SLC4A2: variants seen among roughly 807,000 people sequenced by gnomAD.
SLC4A2 encodes solute carrier family 4 member 2, also known as anion exchange protein 2.
In SLC4A2, 36 loss-of-function variants were observed where a neutral mutation model predicts 115.0. That is an observed-to-expected ratio of 0.31 (90% CI 0.24 to 0.41). SLC4A2 has a LOEUF of 0.41. Among genes scored for constraint, SLC4A2 ranks in the 10% least tolerant of loss-of-function variants. The pLI is 1.00. For missense variants in SLC4A2, 1,252 were observed against 1,705.6 expected (o/e 0.73, Z 4.68); for synonymous variants, 708 against 708.3 (o/e 1.00, Z 0.01).
rs756811504 is a variant in SLC4A2, at chr7:151,076,122, T to C, written c.3581T>C (p.Ile1194Thr). 1.2e-6 allele frequency: 2 copies of C among 1,610,690 alleles called. No homozygotes were observed. The highest frequency in any genetic ancestry group is 8.5e-7 in the Non-Finnish European group (1 of 1,179,954). ...TCCCTGGCCTTCCCCTTCATCCTCA[T>C]CCTCACAGTGCCGCTCCGCATGGTG... ...AASLAFPFILILTVPLRMVVL... is the reference protein window; with the variant it reads ...AASLAFPFILTLTVPLRMVVL... The change falls in exon 22 of 23, where the codon ATC becomes ACC. Residue 1194 changes from isoleucine to threonine, a missense_variant. By Grantham distance (89) the Ile-to-Thr change is moderately conservative. Coordinates refer to ENST00000413384, the MANE Select transcript of SLC4A2 (RefSeq NM_003040.4).
intron 17 of SLC4A2, 42 bp downstream of exon 17, chr7:151,074,335 G>A (rs774606470): frequency 1.2e-6 from 2 of 1,610,136 alleles, no homozygotes; most frequent in Non-Finnish European, 1.7e-6. Context: ...GGGGCAGGAA[G>A]GGGGGTGGCA....
intron 2 of SLC4A2, chr7:151,062,852 G>A: frequency 2.2e-6 from 3 of 1,380,382 alleles, no homozygotes; most frequent in Non-Finnish European, 2.8e-6. Context: ...TCTCTTATCC[G>A]GTGTTCTGCC....
chr7:151,075,643 C>T lies in SLC4A2; in HGVS notation c.3339C>T (p.Ile1113=). 6.2e-7 allele frequency: 1 copy of T among 1,602,782 alleles called. No homozygotes were observed. The part of the protein sequence containing the change: ...SIVIGDLLRQ[I]PLAVLFGIFL... ...TTATCGGGGATCTGCTCCGGCAGAT[C>T]CCCCTGGCCGTGCTCTTTGGAATTT... is the stretch of plus-strand genomic sequence containing the variant. Residue 1113 remains isoleucine (I), a synonymous_variant, in exon 21 of 23, where the codon ATC becomes ATT. Coordinates refer to ENST00000413384, the MANE Select transcript of SLC4A2 (RefSeq NM_003040.4).
chr7:151,072,891 T>C (rs1797488805), intron 16 of SLC4A2, among the ~76,000 whole-genome samples: 4 of 152,094 alleles, frequency 2.6e-5, no homozygotes, highest in Non-Finnish European at 5.9e-5. Flanking sequence ...CTTGAACTCC[T>C]GGCCTCAAGT....
At chr7:151,063,968 AT>A (rs1452992775) in intron 2 of SLC4A2, among the ~76,000 whole-genome samples, 1 of 151,916 alleles carries the variant, frequency 6.6e-6, no homozygotes. Flanking sequence ...ACCTCCAGCA[AT>A]CCACCCACCT....
chr7:151,062,896 A>G, intron 2 of SLC4A2: 1 of 1,389,260 alleles, frequency 7.2e-7, no homozygotes, highest in East Asian at 2.9e-5. Flanking sequence ...CCTCGCCCCT[A>G]AGACCCGCCC....
chr7:151,071,326 C>T lies in SLC4A2; in HGVS notation c.1975+29C>T, dbSNP rs1285634194. 6.5e-7 allele frequency: 1 copy of T among 1,543,096 alleles called. No homozygotes were observed. Among genetic ancestry groups the T allele is most frequent in the Non-Finnish European group, 8.7e-7 (1 of 1,146,968 alleles). On this transcript the variant is annotated intron_variant, in intron 13 of 22. Coordinates refer to ENST00000413384, the MANE Select transcript of SLC4A2 (RefSeq NM_003040.4). The surrounding 1 kb of genome is among the most constrained non-coding windows in gnomAD (Gnocchi z 5.5). The stretch of plus-strand genomic sequence containing the variant: ...CGGCCAGGGCGGGCTGGGGCCAGGG[C>T]TGCCTCGAGGGGGTGAGGTGGGCAA...
rs757047171 is a variant in SLC4A2, at chr7:151,064,375, G to A, written c.217+8G>A. ...GGGAGGAAGACTTTGAGTGTGAGGGGGCAGGCAGGGGAGGGGGAGGTGGGG... is the reference window on the plus strand; with the variant it reads ...GGGAGGAAGACTTTGAGTGTGAGGGAGCAGGCAGGGGAGGGGGAGGTGGGG... On this transcript the variant is annotated splice_region_variant and intron_variant, in intron 3 of 22. Transcript: ENST00000413384. 1.9e-6 allele frequency: 3 copies of A among 1,575,298 alleles called. No homozygotes were observed. Among genetic ancestry groups the A allele is most frequent in the Non-Finnish European group, 2.6e-6 (3 of 1,155,740 alleles).
intron 7 of SLC4A2, among the ~76,000 whole-genome samples, 186 bp from the exon 8 acceptor site, chr7:151,067,688 C>T (rs1164998705): frequency 2.6e-5 from 4 of 152,200 alleles, no homozygotes; most frequent in East Asian, 3.9e-4. Flanking sequence ...AGGGAAACTG[C>T]GTCTCATTGG....
rs1445407733 is a variant in SLC4A2 at position 151,071,404 on chromosome 7, G to T, written c.1990G>T (p.Val664Leu). The change falls in exon 14 of 23, where the codon GTA becomes TTA. Residue 664 changes from valine to leucine, a missense_variant. By Grantham distance (32) the Val-to-Leu change is conservative. Transcript: ENST00000413384. The surrounding 1 kb of genome is among the most constrained non-coding windows in gnomAD (Gnocchi z 5.5). ...SAQDKALLQM[V>L]EAAGAAEDDP... ...CTGGGTTGCAGCGCTCCTGCAGATG[G>T]TAGAGGCGGCAGGGGCAGCTGAAGA... The T allele has an allele frequency of 2.5e-6, 4 of 1,598,194 alleles. No homozygotes were observed. The Admixed American group carries it at 6.7e-5, about 27-fold the overall frequency.
In SLC4A2 at chr7:151,070,543, G is replaced by A; in HGVS notation, c.1536G>A (p.Glu512=). The A allele has an allele frequency of 3.1e-6, 5 of 1,613,722 alleles. No homozygotes were observed. The highest frequency in any genetic ancestry group is 4.2e-6 in the Non-Finnish European group (5 of 1,179,870). ...TGAAACTGCTGGAGAAGATTCCTGA[G>A]AATGCCGAGGCCACGGTGGTCCTTG... is the stretch of plus-strand genomic sequence containing the variant. ...HELKLLEKIP[E]NAEATVVLVG... Residue 512 remains glutamate (E), a synonymous_variant, in exon 11 of 23, where the codon GAG becomes GAA. Transcript: ENST00000413384.
At position 151,059,712 on chromosome 7, in the gene SLC4A2, G is replaced by A. The variant is rs1250203952; in HGVS notation, c.-114G>A. On this transcript the variant is annotated 5_prime_UTR_variant, in exon 1 of 23. Coordinates refer to ENST00000413384, the MANE Select transcript of SLC4A2 (RefSeq NM_003040.4). The surrounding 1 kb of genome is among the most constrained non-coding windows in gnomAD (Gnocchi z 5.8). ...GTCGGGAGCGCGCGAGTGCGCCGGAGGACGGGGAGAGACCCCGAGACCCCC... is the reference window on the plus strand; with the variant it reads ...GTCGGGAGCGCGCGAGTGCGCCGGAAGACGGGGAGAGACCCCGAGACCCCC... 1 of 151,604 alleles carries A rather than the reference G, an allele frequency of 6.6e-6. No homozygotes were observed. Among genetic ancestry groups the A allele is most frequent in the Non-Finnish European group, 1.5e-5 (1 of 67,708 alleles). The allele number at this position is 151,604 out of a possible 1,614,324, so 9.4% of individuals were successfully genotyped here.
At chr7:151,062,137 G>T in intron 2 of SLC4A2, 99 bp downstream of exon 2, 2 of 204,072 alleles carry the variant, frequency 9.8e-6, no homozygotes, top group Admixed American at 9.9e-5. Flanking sequence ...GTGAGCGTGT[G>T]TGAGTGTGGA....
In SLC4A2 at chr7:151,076,491, C is replaced by T; in HGVS notation, c.*124C>T. 2.4e-6 allele frequency: 2 copies of T among 840,126 alleles called. No individual in the cohort carries two copies. The highest frequency in any genetic ancestry group is 2.1e-5 in the South Asian group (1 of 47,994). The allele number at this position is 840,126 out of a possible 1,614,324, so 52.0% of individuals were successfully genotyped here. A position where few individuals can be genotyped will look rare whatever the true frequency, so the allele number is the denominator to read the frequency against. ...AATAATTTAAAGTCTTCTCCTCCCC[C>T]ACTGCCCCTGCAGTAAAGTGCTTTG... is the stretch of plus-strand genomic sequence containing the variant. On this transcript the variant is annotated 3_prime_UTR_variant, in exon 23 of 23. Transcript: ENST00000413384.
Position 151,071,406 on chromosome 7 carries a change from A to G in SLC4A2, c.1992A>G (p.Val664=), listed in dbSNP as rs1177621270. Residue 664 remains valine, a synonymous_variant, in exon 14 of 23, where the codon GTA becomes GTG. Coordinates refer to ENST00000413384, the MANE Select transcript of SLC4A2 (RefSeq NM_003040.4). The surrounding 1 kb of genome is among the most constrained non-coding windows in gnomAD (Gnocchi z 5.5). ...SAQDKALLQM[V]EAAGAAEDDP... is the part of the protein sequence containing the mutation. ...GGGTTGCAGCGCTCCTGCAGATGGTAGAGGCGGCAGGGGCAGCTGAAGATG... is the reference window on the plus strand; with the variant it reads ...GGGTTGCAGCGCTCCTGCAGATGGTGGAGGCGGCAGGGGCAGCTGAAGATG... The G allele has an allele frequency of 6.3e-7, 1 of 1,598,644 alleles. No individual in the cohort carries two copies. The highest frequency in any genetic ancestry group is 8.5e-7 in the Non-Finnish European group (1 of 1,177,278).
chr7:151,062,856 T>A, intron 2 of SLC4A2: 1 of 1,380,812 alleles, frequency 7.2e-7, no homozygotes, highest in Non-Finnish European at 9.3e-7. Flanking sequence ...TTATCCGGTG[T>A]TCTGCCAGTC....
intron 1 of SLC4A2, 61 bp from the exon 2 acceptor site, chr7:151,061,864 C>G (rs914535087): frequency 3.6e-6 from 3 of 828,422 alleles, no homozygotes; most frequent in Non-Finnish European, 3.9e-6. Context: ...GCGCAGCCTG[C>G]GCGTGGTGGC....
In SLC4A2 at chr7:151,075,238, A is replaced by C. The variant is rs985788687; in HGVS notation, c.3048-17A>C. ...TGAGTCCAGCCTGGGCCTCAGCAGC[A>C]CCCCTCCCGCTCTCAGGCTCATCAT... is the stretch of plus-strand genomic sequence containing the variant. On this transcript the variant is annotated splice_polypyrimidine_tract_variant and intron_variant, in intron 19 of 22. Transcript: ENST00000413384. The C allele has an allele frequency of 1.2e-6, 2 of 1,611,334 alleles. No homozygotes were observed. The highest frequency in any genetic ancestry group is 1.7e-6 in the Non-Finnish European group (2 of 1,179,852).
rs915772234 is a variant in SLC4A2 at position 151,066,481 on chromosome 7, A to C, written c.579-36A>C. 4 of 1,463,682 alleles carry C rather than the reference A, an allele frequency of 2.7e-6. No individual in the cohort carries two copies. In the African/African-American group the frequency reaches 4.3e-5, roughly 16 times the overall value. The allele number at this position is 1,463,682 out of a possible 1,614,324, so 90.7% of individuals were successfully genotyped here. On this transcript the variant is annotated intron_variant, in intron 5 of 22. Coordinates refer to ENST00000413384, the MANE Select transcript of SLC4A2 (RefSeq NM_003040.4). ...GGTGCTGGGCGTGGGGGAGGAGGCC[A>C]GGTTTCTCGGGCTCACGGCCATTCT...
Sources: allele counts gnomAD v4.1 joint callset (sites outside exome capture counted in the v4.1 genomes callset), GRCh38; gene constraint gnomAD v4.1.1; non-coding constraint Gnocchi (gnomAD v3.1); transcripts MANE v1.5; gene names NCBI Gene and HGNC (gene_info 2026-07-23, HGNC 2026-07-21).